TTLL11: variants seen among roughly 807,000 people sequenced by gnomAD.
TTLL11 encodes the protein tubulin tyrosine ligase like 11.
In TTLL11, 42 loss-of-function variants were observed where a neutral mutation model predicts 51.7. That is an observed-to-expected ratio of 0.81 (90% CI 0.64 to 1.05). The LOEUF (loss-of-function observed/expected upper bound fraction) is 1.05. TTLL11 is among the 50% of genes least tolerant of loss of function. TTLL11 has a pLI of 0.00. For synonymous variants in TTLL11, 381 were observed against 383.5 expected, an observed-to-expected ratio of 0.99 and a Z score of 0.08; for missense variants, 799 against 940.4, an observed-to-expected ratio of 0.85 and a Z score of 1.97.
At chr9:121,914,254 C>T (rs540493429) in intron 6 of TTLL11, among the ~76,000 whole-genome samples, 4 of 152,180 alleles carry the variant, frequency 2.6e-5, no homozygotes, top group African/African-American at 9.7e-5. Flanking sequence ...GCCAATGTCA[C>T]GCAGCAACAG....
At chr9:121,922,246 T>A (rs540604131) in intron 6 of TTLL11, among the ~76,000 whole-genome samples, 6 of 152,354 alleles carry the variant, frequency 3.9e-5, no homozygotes, top group African/African-American at 1.4e-4. Flanking sequence ...TTACATTTTA[T>A]TGATACTCTT....
chr9:122,053,861 C>T lies in TTLL11; in HGVS notation c.463-14493G>A, dbSNP rs80010494. On this transcript the variant is annotated intron_variant, in intron 1 of 8. Transcript: ENST00000321582. ...GGGAATCTGAAGGGAGAGGCTCCCA[C>T]GGAGATAACTAGCGCTCTGAAGAGC... Among the ~76,000 whole-genome samples the T allele has an allele frequency of 5.2e-3, 794 of 152,252 alleles. 5 individuals carry two copies. The highest frequency in any genetic ancestry group is 0.014 in the African/African-American group (588 of 41,554).
At chr9:121,834,930 T>G (rs1837142805) in intron 8 of TTLL11, among the ~76,000 whole-genome samples, 2 of 152,106 alleles carry the variant, frequency 1.3e-5, no homozygotes, top group Non-Finnish European at 2.9e-5. Flanking sequence ...ACAATAGTGG[T>G]TTCATTTTCT....
intron 6 of TTLL11, among the ~76,000 whole-genome samples, chr9:121,971,942 T>C (rs1213699450): frequency 6.6e-6 from 1 of 151,306 alleles, no homozygotes; most frequent in Non-Finnish European, 1.5e-5. Context: ...TGAGAACACA[T>C]GAGCACAGGG....
At chr9:122,044,832 G>A (rs1844955992) in intron 1 of TTLL11, among the ~76,000 whole-genome samples, 1 of 152,138 alleles carries the variant, frequency 6.6e-6, no homozygotes, top group African/African-American at 2.4e-5. Context: ...AAAACAGGCT[G>A]GGCGAGGTGG....
chr9:121,842,578 A>G (rs938457373), intron 8 of TTLL11, among the ~76,000 whole-genome samples: 1 of 152,204 alleles, frequency 6.6e-6, no homozygotes, highest in African/African-American at 2.4e-5. Flanking sequence ...TCTACTTTTG[A>G]ACACTATGAT....
intron 7 of TTLL11, among the ~76,000 whole-genome samples, chr9:121,863,193 T>A (rs1380410621): frequency 6.6e-6 from 1 of 152,228 alleles, no homozygotes; most frequent in Non-Finnish European, 1.5e-5. Context: ...AGTAACCACA[T>A]GTCAATGGAC....
intron 6 of TTLL11, among the ~76,000 whole-genome samples, chr9:121,899,125 T>C (rs1356277869): frequency 6.6e-6 from 1 of 152,034 alleles, no homozygotes; most frequent in Non-Finnish European, 1.5e-5. Context: ...CTGGCCACCT[T>C]GCAGCTCCTT....
chr9:122,064,887 C>T (rs1845537162), intron 1 of TTLL11, among the ~76,000 whole-genome samples: 1 of 152,000 alleles, frequency 6.6e-6, no homozygotes, highest in South Asian at 2.1e-4. Flanking sequence ...CAAGATTAAC[C>T]CAATTTATAA....
chr9:121,844,981 T>C (rs1837475538), intron 8 of TTLL11, among the ~76,000 whole-genome samples: 2 of 152,012 alleles, frequency 1.3e-5, no homozygotes, highest in Admixed American at 1.3e-4. Context: ...TTTTCCAAAA[T>C]TACAGACAGA....
intron 1 of TTLL11, among the ~76,000 whole-genome samples, chr9:122,086,291 T>C (rs1846122686): frequency 6.6e-6 from 1 of 152,216 alleles, no homozygotes; most frequent in South Asian, 2.1e-4. Context: ...ATCGTTCAAA[T>C]AACAATGGTA....
At chr9:121,833,456 C>G (rs1837087603) in intron 8 of TTLL11, among the ~76,000 whole-genome samples, 1 of 152,240 alleles carries the variant, frequency 6.6e-6, no homozygotes, top group Non-Finnish European at 1.5e-5. Flanking sequence ...CTCATCATCT[C>G]TTCACCAGCT....
chr9:122,019,907 T>C (rs1455314436), intron 3 of TTLL11, among the ~76,000 whole-genome samples: 1 of 152,082 alleles, frequency 6.6e-6, no homozygotes, highest in Non-Finnish European at 1.5e-5. Flanking sequence ...TTATAAGGGG[T>C]TTCCCTTTTC....
intron 3 of TTLL11, among the ~76,000 whole-genome samples, chr9:121,997,724 T>C (rs1843320269): frequency 6.6e-6 from 1 of 152,240 alleles, no homozygotes; most frequent in Non-Finnish European, 1.5e-5. Context: ...CTTGGTTTCC[T>C]GATCATCCTC....
At position 122,092,916 on chromosome 9, in the gene TTLL11, G is replaced by C. The variant is rs1233406329; in HGVS notation, c.233C>G (p.Thr78Ser). Reference protein sequence around the residue: ...AQPSAAEEGNTQVLQRPPPTL... With the variant: ...AQPSAAEEGNSQVLQRPPPTL... ...GGGCGGCGGCCGCTGAAGGACCTGGGTGTTCCCCTCCTCAGCCGCACTGGG... is the reference window on the plus strand; with the variant it reads ...GGGCGGCGGCCGCTGAAGGACCTGGCTGTTCCCCTCCTCAGCCGCACTGGG... The change falls in exon 1 of 9, where the codon ACC becomes AGC. Residue 78 changes from threonine to serine, a missense_variant. By Grantham distance (58) the Thr-to-Ser change is moderately conservative (BLOSUM62 1). Transcript: ENST00000321582. 13 of 1,579,188 alleles carry C rather than the reference G, an allele frequency of 8.2e-6. No homozygotes were observed. The African/African-American group carries it at 9.5e-5, about 11-fold the overall frequency.
At chr9:122,059,962 C>T (rs903206935) in intron 1 of TTLL11, among the ~76,000 whole-genome samples, 2 of 152,198 alleles carry the variant, frequency 1.3e-5, no homozygotes, top group African/African-American at 4.8e-5. Flanking sequence ...GTCATAGTGA[C>T]CCCCATAGGT....
chr9:122,027,557 T>C (rs1351246965), intron 3 of TTLL11, among the ~76,000 whole-genome samples: 1 of 152,232 alleles, frequency 6.6e-6, no homozygotes, highest in Non-Finnish European at 1.5e-5. Flanking sequence ...CTAGTTTCAG[T>C]CACTGTGTAA....
chr9:121,940,786 G>T (rs577490042), intron 6 of TTLL11, among the ~76,000 whole-genome samples: 1 of 152,148 alleles, frequency 6.6e-6, no homozygotes, highest in African/African-American at 2.4e-5. Context: ...TAGGACATTT[G>T]CTGATCTCCT....
At chr9:121,879,659 T>C (rs1188788336) in intron 6 of TTLL11, among the ~76,000 whole-genome samples, 1 of 151,906 alleles carries the variant, frequency 6.6e-6, no homozygotes, top group Admixed American at 6.6e-5. Context: ...TCCAGAGCCT[T>C]TGAGATAAAA....
Sources: gnomAD v4.1 joint callset for allele counts (sites outside exome capture counted in the v4.1 genomes callset) on GRCh38, gnomAD v4.1.1 for gene constraint, MANE v1.5 for transcripts, NCBI Gene and HGNC (gene_info 2026-07-23, HGNC 2026-07-21) for gene names.